Variants in POLR3A observed in about 807,000 individuals in gnomAD.
POLR3A encodes the protein DNA-directed RNA polymerase III subunit RPC1.
Under a neutral mutation model 152.8 loss-of-function variants are expected in POLR3A, and 112 were observed. The ratio of observed to expected loss-of-function variants is 0.73; its 90% CI spans 0.63 to 0.86. POLR3A has a LOEUF of 0.86. POLR3A is among the 40% of genes least tolerant of loss of function. The pLI is 0.00. For synonymous variants in POLR3A, 615 were observed against 652.1 expected, an observed-to-expected ratio of 0.94 and a Z score of 0.87; for missense variants, 1,385 against 1,743.1, an observed-to-expected ratio of 0.79 and a Z score of 3.66.
chr10:78,024,852 C>T, intron 4 of POLR3A, 119 bp downstream of exon 4: 1 of 1,411,866 alleles, frequency 7.1e-7, no homozygotes, highest in South Asian at 1.2e-5. Context: ...TTGTTGGGCT[C>T]TTAAGCCTAA....
chr10:78,026,874 C>A (rs987995476), intron 1 of POLR3A, among the ~76,000 whole-genome samples: 2 of 152,184 alleles, frequency 1.3e-5, no homozygotes, highest in African/African-American at 4.8e-5. Flanking sequence ...TCAAACCCCA[C>A]ACATTGAAAA....
intron 18 of POLR3A, 89 bp downstream of exon 18, chr10:78,000,887 C>T (rs1223912488): frequency 3.8e-5 from 29 of 763,732 alleles, no homozygotes; most frequent in South Asian, 4.0e-5. Flanking sequence ...AATTGGCCAA[C>T]GGTCTTTGAT....
intron 19 of POLR3A, among the ~76,000 whole-genome samples, chr10:77,996,588 T>A (rs905223826): frequency 1.3e-5 from 2 of 152,004 alleles, no homozygotes; most frequent in African/African-American, 4.8e-5. Context: ...CCTCGACACA[T>A]ACATCCTCCC....
intron 1 of POLR3A, 115 bp from the exon 2 acceptor site, chr10:78,026,344 C>T: frequency 4.1e-6 from 4 of 986,288 alleles, no homozygotes; most frequent in Non-Finnish European, 6.3e-6. Context: ...ACTGGCTTTT[C>T]CTACCAGTAT....
intron 18 of POLR3A, among the ~76,000 whole-genome samples, 156 bp from the exon 19 acceptor site, chr10:78,000,274 T>C (rs1258198894): frequency 2.0e-5 from 3 of 152,216 alleles, no homozygotes; most frequent in African/African-American, 4.8e-5. Flanking sequence ...CCTTTCCTTA[T>C]GGAGAAATAC....
rs113513581 is a variant in POLR3A, at chr10:77,985,795, T to C, written c.3071+108A>G. The C allele has an allele frequency of 1.7e-5, 14 of 822,926 alleles. 1 individual carries two copies. Among genetic ancestry groups the C allele is most frequent in the African/African-American group, 1.3e-4 (8 of 60,102 alleles). The allele number at this position is 822,926 out of a possible 1,614,324, so 51.0% of individuals were successfully genotyped here. ...AATGTGACAGAATCTGATCAAATAC[T>C]GGCAGTTAACAAGTGAGCTGGTGCA... On this transcript the variant is annotated intron_variant, in intron 23 of 30. Coordinates refer to ENST00000372371, the MANE Select transcript of POLR3A (RefSeq NM_007055.4).
At chr10:78,005,246 C>G (rs1589311719) in intron 15 of POLR3A, among the ~76,000 whole-genome samples, 1 of 152,206 alleles carries the variant, frequency 6.6e-6, no homozygotes, top group East Asian at 1.9e-4. Context: ...CCTATAATCC[C>G]AGCACTTTGG....
At chr10:78,023,066 G>A (rs535281207) in intron 5 of POLR3A, among the ~76,000 whole-genome samples, 183 of 151,542 alleles carry the variant, frequency 1.2e-3, no homozygotes, top group African/African-American at 4.1e-3. Context: ...GCTGAGGCAG[G>A]AGAATCACTT....
chr10:78,022,170 A>C lies in POLR3A; in HGVS notation c.860T>G (p.Ile287Ser). Reference sequence around the variant, plus strand: ...CTTTTTAATAACATCGTTTAGGAAAATGATTTCTGTCAGTTTCATTGTCAG... The same window carrying C: ...CTTTTTAATAACATCGTTTAGGAAACTGATTTCTGTCAGTTTCATTGTCAG... ...DDLTMKLTEI[I>S]FLNDVIKKHR... Residue 287 changes from isoleucine to serine, a missense_variant, in exon 6 of 31, where the codon ATT (isoleucine) becomes AGT (serine). Transcript: ENST00000372371. 6.2e-7 allele frequency: 1 copy of C among 1,614,240 alleles called. No homozygotes were observed. Among genetic ancestry groups the C allele is most frequent in the Non-Finnish European group, 8.5e-7 (1 of 1,180,026 alleles).
At chr10:78,020,603 A>G (rs1412854987) in intron 8 of POLR3A, among the ~76,000 whole-genome samples, 2 of 151,914 alleles carry the variant, frequency 1.3e-5, no homozygotes, top group African/African-American at 4.8e-5. Context: ...CCTGGCCAAC[A>G]TGGTGAAACT....
chr10:77,988,972 A>G (rs1262754185), intron 21 of POLR3A, among the ~76,000 whole-genome samples: 2 of 152,176 alleles, frequency 1.3e-5, no homozygotes, highest in Non-Finnish European at 1.5e-5. Flanking sequence ...AAATTAACAC[A>G]CCTAAAACAA....
At position 78,024,522 on chromosome 10, in the gene POLR3A, A is replaced by G. The variant is rs200286962; in HGVS notation, c.645+27T>C. 51 of 1,607,610 alleles carry G rather than the reference A, an allele frequency of 3.2e-5. No individual in the cohort carries two copies. The Admixed American group carries it at 4.0e-4, about 13-fold the overall frequency. The stretch of plus-strand genomic sequence containing the variant: ...GAAGAGGCAGGCGGGAGGCAGGCGG[A>G]AGGCAGGCGTGCATTCTCAGGCTCA... On this transcript the variant is annotated intron_variant, in intron 5 of 30. Transcript: ENST00000372371.
rs1564611394 is a variant in POLR3A at position 77,975,771 on chromosome 10, G to T, written c.*1707C>A. The T allele has an allele frequency of 6.6e-6, 1 of 152,206 alleles. No homozygotes were observed. The highest frequency in any genetic ancestry group is 6.5e-5 in the Admixed American group (1 of 15,274). The allele number at this position is 152,206 out of a possible 1,614,324, so 9.4% of individuals were successfully genotyped here. ...TCCCCTGGCCTTTGCACGGATCCCA[G>T]TGGTCCTGGCTCGGATCAGGCCTAC... On this transcript the variant is annotated 3_prime_UTR_variant, in exon 31 of 31. Coordinates refer to ENST00000372371, the MANE Select transcript of POLR3A (RefSeq NM_007055.4).
chr10:78,015,008 T>C (rs982564517), intron 10 of POLR3A, among the ~76,000 whole-genome samples: 26 of 152,198 alleles, frequency 1.7e-4, no homozygotes, highest in African/African-American at 6.3e-4. Context: ...ATTCATTGCT[T>C]GCATCTTGAC....
In POLR3A at chr10:77,993,195, AC is replaced by A; in HGVS notation, c.2787+1del. Reference sequence around the variant, plus strand: ...AACCCCAGATATAATGCTAAATCTTACTTTGATGTTGTCCAGAACCCTTTTA... The same window carrying A: ...AACCCCAGATATAATGCTAAATCTTATTTGATGTTGTCCAGAACCCTTTTA... On this transcript the variant is annotated splice_donor_variant, in intron 20 of 30. Transcript: ENST00000372371. LOFTEE classifies it high-confidence loss of function. 1 of 1,610,656 alleles carries A rather than the reference AC, an allele frequency of 6.2e-7. No homozygotes were observed. Among genetic ancestry groups the A allele is most frequent in the East Asian group, 2.2e-5 (1 of 44,858 alleles).
intron 24 of POLR3A, among the ~76,000 whole-genome samples, chr10:77,984,567 C>A (rs1404766054): frequency 6.6e-6 from 1 of 152,216 alleles, no homozygotes; most frequent in Non-Finnish European, 1.5e-5. Flanking sequence ...ATGTCTTGAT[C>A]TCCTGACCTC....
chr10:77,979,567 G>A (rs1464872462), intron 30 of POLR3A, among the ~76,000 whole-genome samples: 10 of 152,206 alleles, frequency 6.6e-5, no homozygotes, highest in African/African-American at 1.7e-4. Flanking sequence ...GTCGAGTGGC[G>A]GGGATGAGGC....
Position 78,007,792 on chromosome 10 carries a change from T to C in POLR3A, c.1984A>G (p.Asn662Asp). 6.2e-7 allele frequency: 1 copy of C among 1,614,040 alleles called. No individual in the cohort carries two copies. Among genetic ancestry groups the C allele is most frequent in the Non-Finnish European group, 8.5e-7 (1 of 1,179,896 alleles). ...KGTLGSGSKNNIFYILLRDWG... is the reference protein window; with the variant it reads ...KGTLGSGSKNDIFYILLRDWG... ...TCTCGCAGCAAAATGTAAAAAATAT[T>C]GTTCTTGGATCCTGACCCTAGGGTT... Residue 662 changes from asparagine (N) to aspartate (D), a missense_variant, in exon 15 of 31, where the codon AAT becomes GAT. This residue lies in a region of POLR3A where 188 missense variants were observed against 179.9 expected (regional missense o/e 1.04). Coordinates refer to ENST00000372371, the MANE Select transcript of POLR3A (RefSeq NM_007055.4).
At chr10:77,984,334 A>G in intron 24 of POLR3A, 36 bp from the exon 25 acceptor site, 1 of 1,240,686 alleles carries the variant, frequency 8.1e-7, no homozygotes, top group Non-Finnish European at 1.2e-6. Flanking sequence ...CACTAGCACA[A>G]GGGAGGAGGC....
Sources: allele counts gnomAD v4.1 joint callset (sites outside exome capture counted in the v4.1 genomes callset), GRCh38; gene constraint gnomAD v4.1.1; regional missense constraint gnomAD v4.1.1; transcripts MANE v1.5; gene names NCBI Gene and HGNC (gene_info 2026-07-23, HGNC 2026-07-21).